Variants in TSPAN3 observed in about 807,000 individuals in gnomAD.
The protein encoded by TSPAN3 is tetraspanin 3, also known as tetraspanin-3.
In TSPAN3, 9 loss-of-function variants were observed where a neutral mutation model predicts 31.1. That is an observed-to-expected ratio of 0.29 (90% CI 0.17 to 0.50). The LOEUF is 0.50. Ranked by LOEUF, TSPAN3 falls within the 20% of genes least tolerant of loss-of-function variation. TSPAN3 has a pLI of 0.98. For synonymous variants in TSPAN3, 129 were observed against 114.3 expected (o/e 1.13, Z -0.82); for missense variants, 252 against 313.5 (o/e 0.80, Z 1.48).
At chr15:77,059,557 A>G (rs1254412800) in intron 1 of TSPAN3, among the ~76,000 whole-genome samples, 2 of 152,228 alleles carry the variant, frequency 1.3e-5, no homozygotes, top group African/African-American at 2.4e-5. Flanking sequence ...ATTAGAAGCA[A>G]TCTGAAGTGC....
intron 6 of TSPAN3, among the ~76,000 whole-genome samples, chr15:77,047,339 T>C (rs1024919651): frequency 1.3e-5 from 2 of 152,226 alleles, no homozygotes; most frequent in African/African-American, 4.8e-5. Flanking sequence ...TTAATTTAAA[T>C]GTAGACACAT....
intron 1 of TSPAN3, among the ~76,000 whole-genome samples, chr15:77,065,497 G>A (rs961813584): frequency 3.9e-5 from 6 of 152,064 alleles, no homozygotes; most frequent in Admixed American, 1.3e-4. Context: ...CTCGATCGCC[G>A]CTCACTACAA....
chr15:77,054,324 A>T, intron 3 of TSPAN3, 45 bp from the exon 4 acceptor site: 5 of 1,312,092 alleles, frequency 3.8e-6, no homozygotes, highest in Non-Finnish European at 4.4e-6. Context: ...TACTAGTAAA[A>T]GTAACATTAG....
At chr15:77,065,484 TGG>T (rs1482048416) in intron 1 of TSPAN3, among the ~76,000 whole-genome samples, 1 of 152,210 alleles carries the variant, frequency 6.6e-6, no homozygotes, top group Non-Finnish European at 1.5e-5. Flanking sequence ...TGGAGTGCAG[TGG>T]CTCGATCGCC....
chr15:77,061,514 G>A (rs2152697236), intron 1 of TSPAN3, among the ~76,000 whole-genome samples: 2 of 151,394 alleles, frequency 1.3e-5, no homozygotes, highest in East Asian at 1.9e-4. Context: ...GGCAACAAGA[G>A]CAAAACTCAG....
chr15:77,056,401 A>T (rs1165360808), intron 1 of TSPAN3, 146 bp from the exon 2 acceptor site: 2 of 589,122 alleles, frequency 3.4e-6, no homozygotes, highest in Non-Finnish European at 5.5e-6. Context: ...ATTCCTTGTT[A>T]AGAGCATTTC....
intron 1 of TSPAN3, chr15:77,069,798 A>G (rs2076855438): frequency 6.6e-6 from 1 of 152,356 alleles, no homozygotes; most frequent in African/African-American, 2.4e-5. Context: ...GAGGCACAGT[A>G]TGGTTAACCG....
chr15:77,067,969 C>T (rs938806794), intron 1 of TSPAN3: 5 of 152,172 alleles, frequency 3.3e-5, no homozygotes, highest in Admixed American at 2.6e-4. Flanking sequence ...TACTTTGGCT[C>T]AGTCAACCTT....
intron 1 of TSPAN3, among the ~76,000 whole-genome samples, chr15:77,066,845 G>A (rs1272334252): frequency 6.6e-6 from 1 of 152,110 alleles, no homozygotes; most frequent in Non-Finnish European, 1.5e-5. Context: ...CAGAATACCT[G>A]AAACTGGGTA....
chr15:77,070,821 C>G (rs1341226396), intron 1 of TSPAN3, 71 bp downstream of exon 1: 25 of 962,826 alleles, frequency 2.6e-5, no homozygotes, highest in Non-Finnish European at 2.9e-5. Flanking sequence ...AAGCCCGGCC[C>G]CCACGGGCGC....
chr15:77,061,186 T>TG (rs368300520), intron 1 of TSPAN3, among the ~76,000 whole-genome samples: 243 of 152,180 alleles, frequency 1.6e-3, no homozygotes, highest in African/African-American at 4.1e-3. Context: ...AACTAGTTTT[T>TG]GGGGGGGTAA....
chr15:77,062,485 AT>A (rs1240719748), intron 1 of TSPAN3, among the ~76,000 whole-genome samples: 1 of 152,248 alleles, frequency 6.6e-6, no homozygotes, highest in Non-Finnish European at 1.5e-5. Context: ...CTTACCAAGA[AT>A]TTCTGAAGCT....
At position 77,041,586 on chromosome 15, in the gene TSPAN3, T is replaced by G. The variant is rs1370390103; in HGVS notation, c.*5249A>C. On this transcript the variant is annotated 3_prime_UTR_variant, in exon 7 of 7. Transcript: ENST00000267970. ...TTTTTAATAGAGATGGGTTTCACCA[T>G]GTTGGCCAGGCTGGTTTTGAACTCC... 6.6e-6 allele frequency: 1 copy of G among 152,124 alleles called. No homozygotes were observed. The highest frequency in any genetic ancestry group is 1.5e-5 in the Non-Finnish European group (1 of 68,028). 9.4% of individuals were successfully genotyped at this position (152,124 alleles called of 1,614,324 possible).
At chr15:77,070,336 T>C (rs1184284242) in intron 1 of TSPAN3, among the ~76,000 whole-genome samples, 1 of 152,200 alleles carries the variant, frequency 6.6e-6, no homozygotes, top group East Asian at 1.9e-4. Flanking sequence ...ATTTGGCTCC[T>C]CGAGTTGAAA....
At position 77,046,390 on chromosome 15, in the gene TSPAN3, G is replaced by C; in HGVS notation, c.*445C>G. ...ATTTTTTAAAAGGACACCAATGAGG[G>C]GCACCATCTGGTGTTAACCTTAACC... On this transcript the variant is annotated 3_prime_UTR_variant, in exon 7 of 7. Coordinates refer to ENST00000267970, the MANE Select transcript of TSPAN3 (RefSeq NM_005724.6). 2.5e-6 allele frequency: 1 copy of C among 402,784 alleles called. No homozygotes were observed. Among genetic ancestry groups the C allele is most frequent in the Non-Finnish European group, 4.4e-6 (1 of 228,174 alleles). 25.0% of individuals were successfully genotyped at this position (402,784 alleles called of 1,614,324 possible). A position where few individuals can be genotyped will look rare whatever the true frequency, so the allele number is the denominator to read the frequency against.
Position 77,070,944 on chromosome 15 carries a change from C to A in TSPAN3, c.11G>T (p.Cys4Phe). MGQ[C>F]GITSSKTVLV... Reference sequence around the variant, plus strand: ...CACGGTCTTGGAGGAGGTGATGCCGCACTGGCCCATGGCGCCGGTGGCCCG... The same window carrying A: ...CACGGTCTTGGAGGAGGTGATGCCGAACTGGCCCATGGCGCCGGTGGCCCG... The change falls in exon 1 of 7, where the codon TGC (cysteine) becomes TTC (phenylalanine). Residue 4 changes from cysteine (C) to phenylalanine (F), a missense_variant. Physicochemically the swap from Cys to Phe is radical, Grantham distance 205. Transcript: ENST00000267970. 6.9e-7 allele frequency: 1 copy of A among 1,441,852 alleles called. No individual in the cohort carries two copies. Among genetic ancestry groups the A allele is most frequent in the South Asian group, 1.4e-5 (1 of 73,152 alleles). 89.3% of individuals were successfully genotyped at this position (1,441,852 alleles called of 1,614,324 possible).
chr15:77,068,950 C>A (rs2076849951), intron 1 of TSPAN3, among the ~76,000 whole-genome samples: 1 of 152,130 alleles, frequency 6.6e-6, no homozygotes, highest in African/African-American at 2.4e-5. Flanking sequence ...TGAATATATG[C>A]GTGCAAGTGT....
intron 6 of TSPAN3, among the ~76,000 whole-genome samples, chr15:77,047,518 T>G (rs556089792): frequency 2.4e-4 from 36 of 152,296 alleles, no homozygotes; most frequent in African/African-American, 8.7e-4. Context: ...AAAAATGTAG[T>G]TGGAAGGTTT....
chr15:77,049,193 G>T (rs2076712781), intron 6 of TSPAN3, among the ~76,000 whole-genome samples: 1 of 152,120 alleles, frequency 6.6e-6, no homozygotes, highest in Non-Finnish European at 1.5e-5. Context: ...GTTGGCCAGG[G>T]TGTGAGGGGA....
Sources: allele counts gnomAD v4.1 joint callset (sites outside exome capture counted in the v4.1 genomes callset), GRCh38; gene constraint gnomAD v4.1.1; transcripts MANE v1.5; gene names NCBI Gene and HGNC (gene_info 2026-07-23, HGNC 2026-07-21).